Variants in PDZRN4 observed in about 807,000 individuals in gnomAD.
The protein encoded by PDZRN4 is PDZ domain-containing RING finger protein 4.
PDZRN4 carries 70 observed loss-of-function variants against 99.0 expected under a neutral mutation model. That is an observed-to-expected ratio of 0.71 (90% CI 0.58 to 0.86). The LOEUF (loss-of-function observed/expected upper bound fraction) is 0.86. Among genes scored for constraint, PDZRN4 ranks in the 40% least tolerant of loss-of-function variants. The pLI is 0.00. For synonymous variants in PDZRN4, 551 were observed against 501.6 expected, an observed-to-expected ratio of 1.10 and a Z score of -1.32; for missense variants, 1,474 against 1,331.2, an observed-to-expected ratio of 1.11 and a Z score of -1.67.
At chr12:41,523,394 C>T (rs998705160) in intron 5 of PDZRN4, among the ~76,000 whole-genome samples, 2 of 152,050 alleles carry the variant, frequency 1.3e-5, no homozygotes, top group East Asian at 1.9e-4. Flanking sequence ...GGAACATTCA[C>T]GTGGAAGCGT....
chr12:41,340,200 A>T (rs2121012769), intron 3 of PDZRN4, among the ~76,000 whole-genome samples: 1 of 152,220 alleles, frequency 6.6e-6, no homozygotes, highest in East Asian at 1.9e-4. Flanking sequence ...AGATGAATGG[A>T]TAAAGAAAAT....
At chr12:41,372,054 A>G (rs757212227) in intron 3 of PDZRN4, among the ~76,000 whole-genome samples, 3 of 152,114 alleles carry the variant, frequency 2.0e-5, no homozygotes, top group Non-Finnish European at 4.4e-5. Context: ...GACTTAGTAT[A>G]AATTTTTATT....
intron 3 of PDZRN4, among the ~76,000 whole-genome samples, chr12:41,318,504 C>T (rs1345331210): frequency 6.6e-6 from 1 of 152,188 alleles, no homozygotes; most frequent in African/African-American, 2.4e-5. Flanking sequence ...ATTGTGGTGT[C>T]TCACTGAGCT....
At chr12:41,449,245 T>A (rs910668179) in intron 3 of PDZRN4, among the ~76,000 whole-genome samples, 1 of 152,166 alleles carries the variant, frequency 6.6e-6, no homozygotes, top group Admixed American at 6.5e-5. Context: ...GAGTAGGTCC[T>A]TTCTTTTCTC....
chr12:41,302,886 A>G (rs1219210641), intron 3 of PDZRN4, among the ~76,000 whole-genome samples: 1 of 151,894 alleles, frequency 6.6e-6, no homozygotes, highest in Non-Finnish European at 1.5e-5. Flanking sequence ...TTTTCTGTCC[A>G]GGAGAATACT....
intron 5 of PDZRN4, among the ~76,000 whole-genome samples, chr12:41,544,060 T>A (rs2120775915): frequency 6.6e-6 from 1 of 152,346 alleles, no homozygotes; most frequent in African/African-American, 2.4e-5. Flanking sequence ...TCCTATCAGA[T>A]TCTTAACAAT....
At chr12:41,322,487 C>CTTTTTTTTTTTTTTTT (rs71081724) in intron 3 of PDZRN4, among the ~76,000 whole-genome samples, 2 of 91,210 alleles carry the variant, frequency 2.2e-5, no homozygotes, top group Non-Finnish European at 1.9e-5. Context: ...ATTTTCTTTC[C>CTTTTTTTTTTTTTTTT]TTTTTTTTTT....
chr12:41,547,175 C>T (rs897023079), intron 5 of PDZRN4, among the ~76,000 whole-genome samples: 4 of 151,144 alleles, frequency 2.6e-5, no homozygotes, highest in Non-Finnish European at 5.9e-5. Context: ...GGGGAAAAAA[C>T]CTTCCTGATG....
intron 3 of PDZRN4, among the ~76,000 whole-genome samples, chr12:41,239,918 A>G (rs1210363675): frequency 1.3e-5 from 2 of 152,238 alleles, no homozygotes; most frequent in Non-Finnish European, 2.9e-5. Context: ...GATATTTGAT[A>G]GTATTTTAAA....
At chr12:41,407,374 T>C (rs192534736) in intron 3 of PDZRN4, among the ~76,000 whole-genome samples, 1 of 152,312 alleles carries the variant, frequency 6.6e-6, no homozygotes, top group African/African-American at 2.4e-5. Flanking sequence ...AAGGGTTCTT[T>C]GTGGGAAGGT....
At chr12:41,305,028 G>C (rs11180730) in intron 3 of PDZRN4, among the ~76,000 whole-genome samples, 6,295 of 152,296 alleles carry the variant, frequency 0.041, 457 homozygotes, top group African/African-American at 0.14. Context: ...TAGCAGCTGG[G>C]CCAGTTTTGG....
At chr12:41,522,491 A>G (rs143803296) in intron 5 of PDZRN4, among the ~76,000 whole-genome samples, 1 of 152,266 alleles carries the variant, frequency 6.6e-6, no homozygotes, top group East Asian at 1.9e-4. Context: ...AAACTAATTC[A>G]CAGACATAGA....
At chr12:41,354,522 A>G (rs1014339330) in intron 3 of PDZRN4, among the ~76,000 whole-genome samples, 1 of 152,020 alleles carries the variant, frequency 6.6e-6, no homozygotes, top group African/African-American at 2.4e-5. Flanking sequence ...TACTGGCTAC[A>G]TTTATATTAT....
rs190388330 is a variant in PDZRN4, at chr12:41,310,350, T to C, written c.843+116162T>C. ...CCATTGGGGATTAAAAATAATAAAGTGATAGGTTTTACATGATAACAATCT... is the reference window on the plus strand; with the variant it reads ...CCATTGGGGATTAAAAATAATAAAGCGATAGGTTTTACATGATAACAATCT... On this transcript the variant is annotated intron_variant, in intron 3 of 9. Transcript: ENST00000402685. 2.0e-5 allele frequency among the ~76,000 whole-genome samples: 3 copies of C among 152,210 alleles called. No homozygotes were observed. The East Asian group carries it at 5.8e-4, about 29-fold the overall frequency.
rs915290339 is a variant in PDZRN4, at chr12:41,512,755, T to C, written c.1203+2842T>C. Reference sequence around the variant, plus strand: ...GTGGGGTATTGGACCTGGGCGGTGATAGCGGGTGGAGTATGTATGACATAA... The same window carrying C: ...GTGGGGTATTGGACCTGGGCGGTGACAGCGGGTGGAGTATGTATGACATAA... On this transcript the variant is annotated intron_variant, in intron 5 of 9. Coordinates refer to ENST00000402685, the MANE Select transcript of PDZRN4 (RefSeq NM_001164595.2). Among the ~76,000 whole-genome samples the C allele has an allele frequency of 3.9e-5, 6 of 152,148 alleles. No individual in the cohort carries two copies. The South Asian group carries it at 8.3e-4, about 21-fold the overall frequency.
intron 5 of PDZRN4, among the ~76,000 whole-genome samples, chr12:41,514,740 G>T (rs2120696552): frequency 6.6e-6 from 1 of 152,230 alleles, no homozygotes; most frequent in East Asian, 1.9e-4. Flanking sequence ...AAGTGGAAAA[G>T]AACTTGGGAC....
intron 5 of PDZRN4, among the ~76,000 whole-genome samples, chr12:41,526,018 C>T (rs1487962870): frequency 6.6e-5 from 10 of 152,130 alleles, no homozygotes; most frequent in Admixed American, 4.6e-4. Flanking sequence ...AGTTGAAAGA[C>T]CAAATCCAGT....
At chr12:41,491,188 A>G (rs964428874) in intron 3 of PDZRN4, among the ~76,000 whole-genome samples, 1 of 152,148 alleles carries the variant, frequency 6.6e-6, no homozygotes, top group African/African-American at 2.4e-5. Flanking sequence ...GAGTCCAATT[A>G]GTAAGTGAAC....
chr12:41,507,887 C>G (rs140849373), intron 4 of PDZRN4, among the ~76,000 whole-genome samples: 75 of 152,090 alleles, frequency 4.9e-4, no homozygotes, highest in Admixed American at 9.8e-4. Flanking sequence ...AAAATAAAGT[C>G]ACTGCCTTCT....
Sources: allele counts gnomAD v4.1 joint callset (sites outside exome capture counted in the v4.1 genomes callset), GRCh38; gene constraint gnomAD v4.1.1; transcripts MANE v1.5; gene names NCBI Gene and HGNC (gene_info 2026-07-23, HGNC 2026-07-21).